The following PHACTR2 variants were observed in gnomAD, a reference collection of about 807,000 sequenced individuals.
The protein encoded by PHACTR2 is chromosome 6 open reading frame 56.
Under a neutral mutation model 76.0 loss-of-function variants are expected in PHACTR2, and 30 were observed. The observed-to-expected ratio is 0.39, with a 90% confidence interval of 0.30 to 0.54. The LOEUF (loss-of-function observed/expected upper bound fraction) is 0.54, where lower values mean the gene tolerates loss of function less well. Ranked by LOEUF, PHACTR2 falls within the 20% of genes least tolerant of loss-of-function variation. The pLI is 0.61. For synonymous variants in PHACTR2, 292 were observed against 292.5 expected, an observed-to-expected ratio of 1.00 and a Z score of 0.02; for missense variants, 696 against 781.1, an observed-to-expected ratio of 0.89 and a Z score of 1.30.
In PHACTR2 at chr6:143,809,093, T is replaced by G. The variant is rs975232493; in HGVS notation, c.1922+1960T>G. 2.0e-5 allele frequency among the ~76,000 whole-genome samples: 3 copies of G among 152,222 alleles called. No homozygotes were observed. The highest frequency in any genetic ancestry group is 2.9e-5 in the Non-Finnish European group (2 of 68,034). ...TCAACCCATACATTATCATTCGGGA[T>G]AGTTTTGCTTCTGCATAGTTTTCCT... is the stretch of plus-strand genomic sequence containing the variant. On this transcript the variant is annotated intron_variant, in intron 12 of 12. Coordinates refer to ENST00000440869, the MANE Select transcript of PHACTR2 (RefSeq NM_001100164.2). This position sits in a 1 kb window ranked among gnomAD's most constrained non-coding sequence, Gnocchi z 4.2.
chr6:143,716,691 A>C (rs1778310227), intron 2 of PHACTR2, among the ~76,000 whole-genome samples: 1 of 152,246 alleles, frequency 6.6e-6, no homozygotes, highest in South Asian at 2.1e-4. Context: ...TAAGTAGGAC[A>C]GGAACTTACC....
In PHACTR2 at chr6:143,553,010, A is replaced by G. The variant is rs1388807588; in HGVS notation, c.217+15803A>G. Among the ~76,000 whole-genome samples the G allele has an allele frequency of 1.3e-5, 2 of 152,076 alleles. No individual in the cohort carries two copies. The highest frequency in any genetic ancestry group is 1.9e-4 in the East Asian group (1 of 5,196). On this transcript the variant is annotated intron_variant, in intron 1 of 11. Coordinates refer to the PHACTR2 transcript ENST00000367584. This position sits in a 1 kb window ranked among gnomAD's most constrained non-coding sequence, Gnocchi z 4.2. Reference sequence around the variant, plus strand: ...GATGTCCAGCTGCCTGTCACTTGCCAGGTATTTAAGGAGTGAAATGAGCAA... The same window carrying G: ...GATGTCCAGCTGCCTGTCACTTGCCGGGTATTTAAGGAGTGAAATGAGCAA...
At chr6:143,694,334 T>A (rs2128456835) in intron 1 of PHACTR2, among the ~76,000 whole-genome samples, 1 of 152,218 alleles carries the variant, frequency 6.6e-6, no homozygotes, top group African/African-American at 2.4e-5. Context: ...GTGTAAGAAA[T>A]CAATACCAGT....
At chr6:143,715,466 T>C (rs541182600) in intron 2 of PHACTR2, among the ~76,000 whole-genome samples, 2 of 152,180 alleles carry the variant, frequency 1.3e-5, no homozygotes, top group Non-Finnish European at 2.9e-5. Flanking sequence ...CCCAAGCACC[T>C]GATGGGTAGC....
rs1205686727 is a variant in PHACTR2, at chr6:143,683,861, A to C, written c.46+5652A>C. Among the ~76,000 whole-genome samples the C allele has an allele frequency of 1.3e-5, 2 of 152,158 alleles. No individual in the cohort carries two copies. The highest frequency in any genetic ancestry group is 6.5e-5 in the Admixed American group (1 of 15,274). On this transcript the variant is annotated intron_variant, in intron 1 of 12. Transcript: ENST00000440869. The surrounding 1 kb of genome is among the most constrained non-coding windows in gnomAD (Gnocchi z 4.1). Reference sequence around the variant, plus strand: ...TTTTCATCTATAACCCAGCATGAACAGTTTTTTTCATTCCACACAGTTTTC... The same window carrying C: ...TTTTCATCTATAACCCAGCATGAACCGTTTTTTTCATTCCACACAGTTTTC...
At position 143,733,432 on chromosome 6, in the gene PHACTR2, A is replaced by G. The variant is rs569768379; in HGVS notation, c.215-15553A>G. ...GTATATTGAATGAACGAATGAATGA[A>G]TGAATGGCTCTTGATGGACCTTATC... On this transcript the variant is annotated intron_variant, in intron 2 of 12. Transcript: ENST00000440869. This position sits in a 1 kb window ranked among gnomAD's most constrained non-coding sequence, Gnocchi z 4.0. Among the ~76,000 whole-genome samples, 2 of 152,338 alleles carry G rather than the reference A, an allele frequency of 1.3e-5. No individual in the cohort carries two copies. The highest frequency in any genetic ancestry group is 4.1e-4 in the South Asian group (2 of 4,828).
intron 12 of PHACTR2, among the ~76,000 whole-genome samples, chr6:143,814,092 A>G (rs994644412): frequency 2.0e-5 from 3 of 152,240 alleles, no homozygotes; most frequent in Non-Finnish European, 4.4e-5. Flanking sequence ...ACAGTGGCTC[A>G]TGCCTGTAAT....
chr6:143,551,963 T>C (rs979437195), intron 1 of PHACTR2, among the ~76,000 whole-genome samples: 1 of 152,230 alleles, frequency 6.6e-6, no homozygotes, highest in African/African-American at 2.4e-5. Flanking sequence ...TAAAGTTTAC[T>C]GCATAGTGCT....
At chr6:143,564,196 C>CATACAT in intron 1 of PHACTR2, among the ~76,000 whole-genome samples, 1 of 40,286 alleles carries the variant, frequency 2.5e-5, no homozygotes. Context: ...TGTGTGTGTG[C>CATACAT]ATATATATAT....
At chr6:143,744,713 C>T (rs1032458610) in intron 2 of PHACTR2, among the ~76,000 whole-genome samples, 3 of 152,188 alleles carry the variant, frequency 2.0e-5, no homozygotes, top group African/African-American at 7.2e-5. Context: ...GGAGGCGGGA[C>T]AGCCTAAGGG....
rs551017177 is a variant in PHACTR2 at position 143,633,164 on chromosome 6, A to G, written c.13+24842A>G. 1.3e-5 allele frequency among the ~76,000 whole-genome samples: 2 copies of G among 152,356 alleles called. No individual in the cohort carries two copies. Among genetic ancestry groups the G allele is most frequent in the East Asian group, 3.9e-4 (2 of 5,190 alleles). On this transcript the variant is annotated intron_variant, in intron 1 of 11. Transcript: ENST00000305766. This position sits in a 1 kb window ranked among gnomAD's most constrained non-coding sequence, Gnocchi z 4.1. ...TGAATCATAGGGTGAGAGTATATTT[A>G]GTTTTATAAGAAACTGCTAAACTGT...
rs1247900895 is a variant in PHACTR2 at position 143,827,773 on chromosome 6, G to A, written c.*4084G>A. ...TGGCTAGATCTTTCACTACTGTGTA[G>A]GTAGTCTCTACTTACTGGTAGGATA... On this transcript the variant is annotated 3_prime_UTR_variant, in exon 13 of 13. Coordinates refer to ENST00000440869, the MANE Select transcript of PHACTR2 (RefSeq NM_001100164.2). 6.6e-6 allele frequency: 1 copy of A among 152,128 alleles called. No individual in the cohort carries two copies. The highest frequency in any genetic ancestry group is 2.1e-4 in the South Asian group (1 of 4,828). The allele number at this position is 152,128 out of a possible 1,614,324, so 9.4% of individuals were successfully genotyped here.
At chr6:143,718,855 G>GAAGTTGGA (rs950880023) in intron 2 of PHACTR2, among the ~76,000 whole-genome samples, 1 of 150,374 alleles carries the variant, frequency 6.7e-6, no homozygotes, top group Non-Finnish European at 1.5e-5. Context: ...ATTCCACTAA[G>GAAGTTGGA]AAGTTGGAAA....
At position 143,763,485 on chromosome 6, in the gene PHACTR2, T is replaced by A. The variant is rs189475683; in HGVS notation, c.695-1776T>A. 3.9e-5 allele frequency among the ~76,000 whole-genome samples: 6 copies of A among 152,346 alleles called. No individual in the cohort carries two copies. In the East Asian group the frequency reaches 9.6e-4, roughly 24 times the overall value. On this transcript the variant is annotated intron_variant, in intron 5 of 12. Transcript: ENST00000440869. The stretch of plus-strand genomic sequence containing the variant: ...GGCACCGAATCCTTAGCGTCTTTGT[T>A]GTGAAAAGTAAATGTAGACTGGACT...
In PHACTR2 at chr6:143,659,749, C is replaced by T. The variant is rs1187699350; in HGVS notation, c.13+51427C>T. 1.3e-5 allele frequency among the ~76,000 whole-genome samples: 2 copies of T among 152,168 alleles called. No homozygotes were observed. The highest frequency in any genetic ancestry group is 2.9e-5 in the Non-Finnish European group (2 of 68,028). ...TGGTAAGAAGCATTTATTGTAGTAC[C>T]TCAGTTAGTCAAATATTTCCTTCCT... On this transcript the variant is annotated intron_variant, in intron 1 of 11. Transcript: ENST00000305766. This position sits in a 1 kb window ranked among gnomAD's most constrained non-coding sequence, Gnocchi z 5.0.
chr6:143,620,994 G>C (rs1397060384), intron 1 of PHACTR2, among the ~76,000 whole-genome samples: 1 of 152,176 alleles, frequency 6.6e-6, no homozygotes, highest in Non-Finnish European at 1.5e-5. Context: ...TCCAATAGAG[G>C]CTCATTAATT....
chr6:143,575,026 T>G (rs9399447), intron 1 of PHACTR2, among the ~76,000 whole-genome samples: 1 of 151,842 alleles, frequency 6.6e-6, no homozygotes, highest in Non-Finnish European at 1.5e-5. Context: ...ACTTGGCTAG[T>G]TAATTGTAAC....
In PHACTR2 at chr6:143,777,093, C is replaced by T. The variant is rs1775297950; in HGVS notation, c.1590-235C>T. Among the ~76,000 whole-genome samples, 1 of 152,110 alleles carries T rather than the reference C, an allele frequency of 6.6e-6. No homozygotes were observed. The highest frequency in any genetic ancestry group is 2.1e-4 in the South Asian group (1 of 4,822). On this transcript the variant is annotated intron_variant, in intron 8 of 12. Transcript: ENST00000440869. This position sits in a 1 kb window ranked among gnomAD's most constrained non-coding sequence, Gnocchi z 4.6. ...AGTCTGTAGTCAGGTACCTAGCTAA[C>T]ATCCAGGCCGCTCTGTTGCTAAAAG...
At chr6:143,600,139 T>C (rs1333713343) in intron 1 of PHACTR2, among the ~76,000 whole-genome samples, 1 of 152,216 alleles carries the variant, frequency 6.6e-6, no homozygotes, top group Non-Finnish European at 1.5e-5. Flanking sequence ...GCCACATCAT[T>C]GGAGGGGAAC....
Sources: gnomAD v4.1 joint callset for allele counts (sites outside exome capture counted in the v4.1 genomes callset) on GRCh38, gnomAD v4.1.1 for gene constraint, Gnocchi (gnomAD v3.1) non-coding constraint, MANE v1.5 for transcripts, NCBI Gene and HGNC (gene_info 2026-07-23, HGNC 2026-07-21) for gene names.